The following RARS1 variants were observed in gnomAD, a reference collection of about 807,000 sequenced individuals.
RARS1 encodes arginyl-tRNA synthetase 1.
Under a neutral mutation model 78.7 loss-of-function variants are expected in RARS1, and 75 were observed. The observed-to-expected ratio is 0.95, with a 90% CI of 0.79 to 1.15. The LOEUF (loss-of-function observed/expected upper bound fraction) is 1.15. RARS1 is among the 50% of genes most tolerant of loss of function. RARS1 has a pLI of 0.00. For synonymous variants in RARS1, 273 were observed against 268.2 expected (o/e 1.02, Z -0.18); for missense variants, 787 against 787.5 (o/e 1.00, Z 0.01).
chr5:168,490,671 G>C (rs1041019895), intron 2 of RARS1, among the ~76,000 whole-genome samples: 1 of 151,576 alleles, frequency 6.6e-6, no homozygotes, highest in African/African-American at 2.4e-5. Flanking sequence ...GGTTCACTTT[G>C]GCCACATGCT....
At chr5:168,497,414 A>G (rs370151191) in intron 7 of RARS1, 66 bp downstream of exon 7, 118 of 1,309,898 alleles carry the variant, frequency 9.0e-5, no homozygotes, top group East Asian at 2.9e-4. Flanking sequence ...CATTTTCCTT[A>G]GGAAACTTAA....
At chr5:168,494,171 C>G in intron 4 of RARS1, 169 bp downstream of exon 4, 1 of 899,760 alleles carries the variant, frequency 1.1e-6, no homozygotes, top group Non-Finnish European at 1.3e-6. Flanking sequence ...CTAGACTCAG[C>G]TACCACTTTT....
Position 168,517,927 on chromosome 5 carries a change from C to T in RARS1, c.1738C>T (p.Arg580Trp), listed in dbSNP as rs201906728. 5.2e-5 allele frequency: 84 copies of T among 1,613,790 alleles called. No homozygotes were observed. The highest frequency in any genetic ancestry group is 6.7e-5 in the Non-Finnish European group (79 of 1,179,962). ...KEWKLGRCIL[R>W]FPEILQKILD... ...ATGGAAACTAGGCCGGTGCATTTTA[C>T]GGTTCCCTGAGATTCTGCAAAAGAT... The change falls in exon 14 of 15, where the codon CGG becomes TGG. Residue 580 changes from arginine (R) to tryptophan (W), a missense_variant. Coordinates refer to ENST00000231572, the MANE Select transcript of RARS1 (RefSeq NM_002887.4).
chr5:168,496,889 A>G (rs1175965407), intron 6 of RARS1: 2 of 187,498 alleles, frequency 1.1e-5, no homozygotes, highest in Non-Finnish European at 2.2e-5. Context: ...AATTGTGGGA[A>G]TAACCAACAT....
chr5:168,495,002 A>AT lies in RARS1; in HGVS notation c.580-299dup, dbSNP rs35237798. ...TCCCCTGGGTCTAGCATGTTGTGTG[A>AT]TTTTTTTTTTTTTTCACTTAATTCC... On this transcript the variant is annotated intron_variant, in intron 5 of 14. Transcript: ENST00000231572. 9,083 of 258,674 alleles carry AT rather than the reference A, an allele frequency of 0.035. 129 individuals carry two copies. Among genetic ancestry groups the AT allele is most frequent in the East Asian group, 0.078 (896 of 11,526 alleles). The allele number at this position is 258,674 out of a possible 1,614,324, so 16.0% of individuals were successfully genotyped here. A position where few individuals can be genotyped will look rare whatever the true frequency, so the allele number is the denominator to read the frequency against.
rs551213283 is a variant in RARS1 at position 168,511,931 on chromosome 5, T to C, written c.1452+1245T>C. Among the ~76,000 whole-genome samples, 11 of 152,270 alleles carry C rather than the reference T, an allele frequency of 7.2e-5. No individual in the cohort carries two copies. The South Asian group carries it at 2.3e-3, about 32-fold the overall frequency. ...CTCAGGCTGGAGTGCAGTGGCAAGATCATGGCTCACCGCATCTCGACCTCC... is the reference window on the plus strand; with the variant it reads ...CTCAGGCTGGAGTGCAGTGGCAAGACCATGGCTCACCGCATCTCGACCTCC... On this transcript the variant is annotated intron_variant, in intron 12 of 14. Coordinates refer to ENST00000231572, the MANE Select transcript of RARS1 (RefSeq NM_002887.4).
intron 11 of RARS1, among the ~76,000 whole-genome samples, chr5:168,507,737 G>T (rs1758476010): frequency 6.6e-6 from 1 of 152,086 alleles, no homozygotes; most frequent in African/African-American, 2.4e-5. Context: ...GCGCTTTTTT[G>T]AAATCAAAAG....
At chr5:168,507,323 C>T (rs1433274424) in intron 11 of RARS1, among the ~76,000 whole-genome samples, 1 of 152,170 alleles carries the variant, frequency 6.6e-6, no homozygotes, top group Non-Finnish European at 1.5e-5. Context: ...TTCATACTTT[C>T]AGCTTTTCTA....
chr5:168,501,039 A>G lies in RARS1; in HGVS notation c.952+319A>G, dbSNP rs564564118. 7.2e-5 allele frequency among the ~76,000 whole-genome samples: 11 copies of G among 152,336 alleles called. No individual in the cohort carries two copies. In the South Asian group the frequency reaches 1.4e-3, roughly 20 times the overall value. Reference sequence around the variant, plus strand: ...ATTTATTCAGAAATGTGTAGGACCAAAATGATGAGAAGTGTACAATGAGAT... The same window carrying G: ...ATTTATTCAGAAATGTGTAGGACCAGAATGATGAGAAGTGTACAATGAGAT... On this transcript the variant is annotated intron_variant, in intron 8 of 14. Coordinates refer to ENST00000231572, the MANE Select transcript of RARS1 (RefSeq NM_002887.4).
chr5:168,499,324 A>T (rs76011402), intron 7 of RARS1, among the ~76,000 whole-genome samples: 24,733 of 152,136 alleles, frequency 0.16, 2,525 homozygotes, highest in East Asian at 0.52. Context: ...AAAAATAAAC[A>T]TAAAAAAAAT....
At chr5:168,500,786 T>C in intron 8 of RARS1, 66 bp downstream of exon 8, 1 of 1,528,350 alleles carries the variant, frequency 6.5e-7, no homozygotes, top group Non-Finnish European at 8.8e-7. Context: ...GGAGTCTTCA[T>C]TTTGATTTGA....
At chr5:168,508,950 G>A (rs748708741) in intron 11 of RARS1, among the ~76,000 whole-genome samples, 8 of 151,880 alleles carry the variant, frequency 5.3e-5, no homozygotes, top group Non-Finnish European at 1.2e-4. Flanking sequence ...GCCCCACTGT[G>A]GGAGTTACTG....
chr5:168,499,027 T>G (rs1198842170), intron 7 of RARS1, among the ~76,000 whole-genome samples: 2 of 152,048 alleles, frequency 1.3e-5, no homozygotes, highest in East Asian at 3.9e-4. Flanking sequence ...TTTTAAAAAT[T>G]TCCTTATGGG....
At chr5:168,486,755 A>C (rs1358254573) in intron 1 of RARS1, among the ~76,000 whole-genome samples, 4 of 151,956 alleles carry the variant, frequency 2.6e-5, no homozygotes, top group African/African-American at 9.7e-5. Flanking sequence ...AGCGGAATGG[A>C]GGGTCCCCAC....
intron 1 of RARS1, among the ~76,000 whole-genome samples, chr5:168,487,080 C>T (rs1757980919): frequency 6.6e-6 from 1 of 152,014 alleles, no homozygotes; most frequent in Non-Finnish European, 1.5e-5. Flanking sequence ...AAAGTGAAAG[C>T]GGCCGGGCGC....
chr5:168,488,359 C>T, intron 1 of RARS1: 1 of 419,548 alleles, frequency 2.4e-6, no homozygotes, highest in Non-Finnish European at 4.3e-6. Context: ...AACTCTTGGC[C>T]TCAAGTCATC....
rs554263746 is a variant in RARS1, at chr5:168,505,723, A to G, written c.1058-298A>G. ...ACTGTGTATCAAAAAAGAAAAAAAA[A>G]AAAAAAAAAAAAGCAGTTGGGAACC... On this transcript the variant is annotated intron_variant, in intron 9 of 14. Coordinates refer to ENST00000231572, the MANE Select transcript of RARS1 (RefSeq NM_002887.4). Among the ~76,000 whole-genome samples, 41 of 151,848 alleles carry G rather than the reference A, an allele frequency of 2.7e-4. 1 individual carries two copies. In the South Asian group the frequency reaches 7.9e-3, roughly 29 times the overall value.
At chr5:168,500,496 T>C in intron 7 of RARS1, 95 bp from the exon 8 acceptor site, 2 of 1,190,766 alleles carry the variant, frequency 1.7e-6, no homozygotes, top group Admixed American at 8.1e-5. Context: ...TTTCTCACTG[T>C]GTTTGTGTGT....
Position 168,510,614 on chromosome 5 carries a change from G to T in RARS1, c.1380G>T (p.Val460=). Residue 460 remains valine, a synonymous_variant, in exon 12 of 15, where the codon GTG becomes GTT. Transcript: ENST00000231572. The part of the protein sequence containing the change: ...KKFKTRSGET[V]RLMDLLGEGL... ...TTAAAACACGTTCGGGTGAAACAGT[G>T]CGCCTCATGGATCTTCTGGGAGAAG... 6.2e-6 allele frequency: 10 copies of T among 1,611,124 alleles called. No homozygotes were observed. The highest frequency in any genetic ancestry group is 7.6e-6 in the Non-Finnish European group (9 of 1,179,308).
Sources: allele counts gnomAD v4.1 joint callset (sites outside exome capture counted in the v4.1 genomes callset), GRCh38; gene constraint gnomAD v4.1.1; transcripts MANE v1.5; gene names NCBI Gene and HGNC (gene_info 2026-07-23, HGNC 2026-07-21).